HS6ST2: variants seen among roughly 807,000 people sequenced by gnomAD.
HS6ST2 encodes the protein heparan sulfate 6-O-sulfotransferase 2.
A neutral mutation model predicts 33.0 loss-of-function variants in HS6ST2; 17 were observed. The observed-to-expected ratio is 0.52, with a 90% CI of 0.35 to 0.77. The LOEUF is 0.77. HS6ST2 is among the 30% of genes least tolerant of loss of function. The pLI, the probability that HS6ST2 is intolerant of heterozygous loss-of-function variation, is 0.01. For missense variants in HS6ST2, 519 were observed against 551.7 expected (o/e 0.94, Z 0.59); for synonymous variants, 248 against 237.1 (o/e 1.05, Z -0.42).
intron 2 of HS6ST2, among the ~76,000 whole-genome samples, chrX:132,888,709 G>A (rs1190465940): frequency 1.8e-5 from 2 of 111,494 alleles, no homozygotes; most frequent in Non-Finnish European, 3.8e-5. Context: ...TCACCATGTT[G>A]CTTGGGCTGG....
intron 2 of HS6ST2, among the ~76,000 whole-genome samples, chrX:132,751,880 G>A (rs953646446): frequency 2.7e-5 from 3 of 112,155 alleles, no homozygotes; most frequent in Admixed American, 1.9e-4. Context: ...GAGTTTCAAC[G>A]ATGAGAGCTA....
At chrX:132,654,484 T>C (rs1271339003) in intron 4 of HS6ST2, among the ~76,000 whole-genome samples, 1 of 111,458 alleles carries the variant, frequency 9.0e-6, no homozygotes, top group Non-Finnish European at 1.9e-5. Flanking sequence ...GGAAATGCAA[T>C]GTGTACTATA....
At chrX:132,761,471 TG>T (rs2064805006) in intron 2 of HS6ST2, among the ~76,000 whole-genome samples, 1 of 111,479 alleles carries the variant, frequency 9.0e-6, no homozygotes, top group African/African-American at 3.3e-5. Flanking sequence ...AAGCCAATCC[TG>T]GAAGTGGGCA....
At chrX:132,777,608 T>A (rs1044191984) in intron 2 of HS6ST2, among the ~76,000 whole-genome samples, 1 of 104,929 alleles carries the variant, frequency 9.5e-6, no homozygotes, top group African/African-American at 3.5e-5. Flanking sequence ...ATTTTTTTTT[T>A]TTTTTTTTTT....
chrX:132,885,054 T>C (rs1259243054), intron 2 of HS6ST2, among the ~76,000 whole-genome samples: 1 of 112,119 alleles, frequency 8.9e-6, no homozygotes, highest in Admixed American at 9.5e-5. Flanking sequence ...AAAATTTGTA[T>C]GCAAAAGTTC....
chrX:132,921,520 C>A (rs186872077), intron 2 of HS6ST2, among the ~76,000 whole-genome samples: 1 of 112,039 alleles, frequency 8.9e-6, no homozygotes, highest in East Asian at 2.8e-4. Flanking sequence ...TTGATTACTG[C>A]GGACAAAGAC....
At chrX:132,700,588 G>A (rs765782218) in intron 3 of HS6ST2, among the ~76,000 whole-genome samples, 7 of 109,112 alleles carry the variant, frequency 6.4e-5, no homozygotes, top group Non-Finnish European at 1.3e-4. Flanking sequence ...AAGACCGTGA[G>A]ACCAAACTAA....
intron 2 of HS6ST2, among the ~76,000 whole-genome samples, chrX:132,937,034 A>C (rs1462151455): frequency 2.7e-5 from 3 of 112,019 alleles, no homozygotes; most frequent in Non-Finnish European, 5.6e-5. Flanking sequence ...AAAAATCAAC[A>C]TACAAAAGTC....
intron 3 of HS6ST2, among the ~76,000 whole-genome samples, chrX:132,677,548 C>T (rs1251637492): frequency 8.9e-6 from 1 of 112,311 alleles, no homozygotes. Flanking sequence ...AATTGGGCTT[C>T]TAACATGTTT....
chrX:132,941,217 T>C (rs927629376), intron 2 of HS6ST2, among the ~76,000 whole-genome samples: 1 of 111,703 alleles, frequency 9.0e-6, no homozygotes, highest in South Asian at 3.8e-4. Flanking sequence ...TGGAAAATTA[T>C]GAGCCACTTT....
intron 2 of HS6ST2, among the ~76,000 whole-genome samples, chrX:132,948,408 C>T (rs1206126431): frequency 1.8e-5 from 2 of 112,005 alleles, no homozygotes; most frequent in African/African-American, 3.2e-5. Flanking sequence ...GAAACTATTG[C>T]CAAGTTATAA....
At chrX:132,905,017 T>C (rs1015296363) in intron 2 of HS6ST2, among the ~76,000 whole-genome samples, 1 of 111,829 alleles carries the variant, frequency 8.9e-6, no homozygotes, top group Non-Finnish European at 1.9e-5. Flanking sequence ...TTTTTGTTTA[T>C]TGCCCATTTA....
chrX:132,632,457 G>C (rs1054089854), intron 4 of HS6ST2, among the ~76,000 whole-genome samples: 2 of 110,965 alleles, frequency 1.8e-5, no homozygotes, highest in African/African-American at 6.6e-5. Context: ...CCAAGGAAGA[G>C]CTTTTAGGGC....
chrX:132,861,619 A>G (rs2065911961), intron 2 of HS6ST2, among the ~76,000 whole-genome samples: 1 of 112,694 alleles, frequency 8.9e-6, no homozygotes, highest in Admixed American at 9.4e-5. Context: ...AAAAGGCATA[A>G]GATGCTATCT....
chrX:132,774,664 A>C (rs928200512), intron 2 of HS6ST2, among the ~76,000 whole-genome samples: 4 of 111,413 alleles, frequency 3.6e-5, no homozygotes, highest in Non-Finnish European at 5.7e-5. Flanking sequence ...GTTTTAAAGG[A>C]GTTTCCCCTT....
At chrX:132,730,393 A>C (rs918419588) in intron 2 of HS6ST2, among the ~76,000 whole-genome samples, 2 of 112,210 alleles carry the variant, frequency 1.8e-5, no homozygotes, top group African/African-American at 6.5e-5. Flanking sequence ...AGCAGGCAAC[A>C]GGCTGCCCTC....
At chrX:132,700,680 G>C (rs1212974794) in intron 3 of HS6ST2, among the ~76,000 whole-genome samples, 1 of 110,011 alleles carries the variant, frequency 9.1e-6, no homozygotes, top group Non-Finnish European at 1.9e-5. Flanking sequence ...CCTGGAAAGA[G>C]ACTCAAAGTA....
At chrX:132,838,249 T>G (rs917566585) in intron 2 of HS6ST2, among the ~76,000 whole-genome samples, 1 of 111,842 alleles carries the variant, frequency 8.9e-6, no homozygotes, top group African/African-American at 3.3e-5. Flanking sequence ...CTCTCCACCC[T>G]TTTACTGCCA....
chrX:132,663,013 G>A (rs1164855267), intron 4 of HS6ST2, among the ~76,000 whole-genome samples: 1 of 111,504 alleles, frequency 9.0e-6, no homozygotes, highest in Non-Finnish European at 1.9e-5. Context: ...CATTTATTGA[G>A]GGCTTGTCAC....
Sources: gnomAD v4.1 joint callset for allele counts (sites outside exome capture counted in the v4.1 genomes callset) on GRCh38, gnomAD v4.1.1 for gene constraint, MANE v1.5 for transcripts, NCBI Gene and HGNC (gene_info 2026-07-23, HGNC 2026-07-21) for gene names.